Variants in ADAMTSL3 observed in about 807,000 individuals in gnomAD.
The protein encoded by ADAMTSL3 is ADAMTS like 3.
Under a neutral mutation model 201.7 loss-of-function variants are expected in ADAMTSL3, and 128 were observed. The ratio of observed to expected loss-of-function variants is 0.63; its 90% CI spans 0.55 to 0.73. ADAMTSL3 has a LOEUF of 0.73. Ranked by LOEUF, ADAMTSL3 falls within the 30% of genes least tolerant of loss-of-function variation. The pLI is 0.00. For synonymous variants in ADAMTSL3, 738 were observed against 748.4 expected, an observed-to-expected ratio of 0.99 and a Z score of 0.23; for missense variants, 1,990 against 2,119.6, an observed-to-expected ratio of 0.94 and a Z score of 1.20.
chr15:83,657,982 TC>T (rs1403956475), intron 2 of ADAMTSL3, among the ~76,000 whole-genome samples: 1 of 152,198 alleles, frequency 6.6e-6, no homozygotes, highest in Non-Finnish European at 1.5e-5. Context: ...CTTAAGGTGT[TC>T]CCTGGCGTCT....
At chr15:83,871,822 A>T (rs2065086197) in intron 9 of ADAMTSL3, among the ~76,000 whole-genome samples, 1 of 152,238 alleles carries the variant, frequency 6.6e-6, no homozygotes, top group African/African-American at 2.4e-5. Context: ...GTTTTGCCGT[A>T]TCCTGTTTCA....
chr15:84,036,633 G>C, intron 28 of ADAMTSL3, 140 bp from the exon 29 acceptor site: 1 of 645,322 alleles, frequency 1.5e-6, no homozygotes, highest in South Asian at 2.0e-5. Context: ...TAAAAGCAGA[G>C]GAATGTCTTG....
At chr15:83,970,019 C>T (rs1174107634) in intron 19 of ADAMTSL3, among the ~76,000 whole-genome samples, 2 of 152,072 alleles carry the variant, frequency 1.3e-5, no homozygotes, top group Non-Finnish European at 2.9e-5. Context: ...AGCCCAAACC[C>T]ATCACATTGT....
chr15:83,998,790 C>T (rs749928687), intron 23 of ADAMTSL3, among the ~76,000 whole-genome samples: 4 of 152,120 alleles, frequency 2.6e-5, no homozygotes, highest in Non-Finnish European at 5.9e-5. Context: ...GAGATTTTCC[C>T]TGAGATAACT....
chr15:83,772,010 G>A (rs1345748359), intron 3 of ADAMTSL3, among the ~76,000 whole-genome samples: 4 of 152,134 alleles, frequency 2.6e-5, no homozygotes, highest in South Asian at 2.1e-4. Flanking sequence ...GTGACACCAC[G>A]TCCAGCTAGT....
chr15:83,679,657 C>T lies in ADAMTSL3; in HGVS notation c.69+23827C>T, dbSNP rs143591554. 1.9e-3 allele frequency among the ~76,000 whole-genome samples: 296 copies of T among 152,208 alleles called. 10 individuals carry two copies. In the East Asian group the frequency reaches 0.046, roughly 24 times the overall value. ...AACCTTTTGTATTGTTAATTCTGGT[C>T]AGTTTCATGTGTGAGTTGGTTAGGG... is the stretch of plus-strand genomic sequence containing the variant. On this transcript the variant is annotated intron_variant, in intron 2 of 29. Transcript: ENST00000286744.
chr15:83,855,769 G>A (rs776127249), intron 7 of ADAMTSL3, among the ~76,000 whole-genome samples: 3 of 152,206 alleles, frequency 2.0e-5, no homozygotes, highest in Non-Finnish European at 4.4e-5. Context: ...TTCTGACCAT[G>A]TTTTTACTGA....
intron 17 of ADAMTSL3, among the ~76,000 whole-genome samples, chr15:83,941,602 T>C (rs1232723426): frequency 6.6e-6 from 1 of 152,222 alleles, no homozygotes; most frequent in African/African-American, 2.4e-5. Flanking sequence ...TTAATAACTA[T>C]ACATCTACTT....
intron 19 of ADAMTSL3, among the ~76,000 whole-genome samples, chr15:83,943,686 C>T (rs1358345562): frequency 6.6e-6 from 1 of 152,206 alleles, no homozygotes; most frequent in Non-Finnish European, 1.5e-5. Context: ...GGAAAAGTAG[C>T]AGAATCCACT....
At chr15:83,866,549 A>G (rs1187648448) in intron 8 of ADAMTSL3, among the ~76,000 whole-genome samples, 1 of 152,092 alleles carries the variant, frequency 6.6e-6, no homozygotes, top group Non-Finnish European at 1.5e-5. Flanking sequence ...CATAGGTGGG[A>G]ATTGAACAAT....
At chr15:83,718,567 G>A (rs1367933135) in intron 3 of ADAMTSL3, among the ~76,000 whole-genome samples, 2 of 151,914 alleles carry the variant, frequency 1.3e-5, no homozygotes, top group Non-Finnish European at 2.9e-5. Context: ...AGCCAGGCGT[G>A]GTGGTGCATG....
In ADAMTSL3 at chr15:83,994,089, A is replaced by G. The variant is rs528827404; in HGVS notation, c.3973+2875A>G. Among the ~76,000 whole-genome samples, 48 of 152,328 alleles carry G rather than the reference A, an allele frequency of 3.2e-4. No individual in the cohort carries two copies. In the South Asian group the frequency reaches 9.7e-3, roughly 31 times the overall value. On this transcript the variant is annotated intron_variant, in intron 23 of 29. Coordinates refer to ENST00000286744, the MANE Select transcript of ADAMTSL3 (RefSeq NM_207517.3). Reference sequence around the variant, plus strand: ...ACAGATGGTAATGAGTTTGAGCTAGATGGTGATTCCCAAATGAAGGGCACT... The same window carrying G: ...ACAGATGGTAATGAGTTTGAGCTAGGTGGTGATTCCCAAATGAAGGGCACT...
At position 83,882,460 on chromosome 15, in the gene ADAMTSL3, TTAC is replaced by T. The variant is rs542257173; in HGVS notation, c.961-2639_961-2637del. Among the ~76,000 whole-genome samples, 105 of 152,340 alleles carry T rather than the reference TTAC, an allele frequency of 6.9e-4. 1 individual carries two copies. The East Asian group carries it at 0.02, about 29-fold the overall frequency. ...CCTTGTTTAGATTCTCTCATAAGCT[TTAC>T]TGATTTATTTAATCATTATTGCTTC... On this transcript the variant is annotated intron_variant, in intron 9 of 29. Transcript: ENST00000286744.
chr15:83,673,705 G>A (rs1243258640), intron 2 of ADAMTSL3, among the ~76,000 whole-genome samples: 1 of 152,222 alleles, frequency 6.6e-6, no homozygotes, highest in Middle Eastern at 3.2e-3. Flanking sequence ...TCATGTGGAA[G>A]TACTCACTGA....
At chr15:83,682,887 G>A (rs2061493372) in intron 2 of ADAMTSL3, among the ~76,000 whole-genome samples, 1 of 152,160 alleles carries the variant, frequency 6.6e-6, no homozygotes, top group Non-Finnish European at 1.5e-5. Context: ...ACTCTATTCT[G>A]ATTTGCCTCC....
intron 23 of ADAMTSL3, among the ~76,000 whole-genome samples, chr15:83,996,500 G>T (rs969375447): frequency 1.1e-4 from 16 of 152,146 alleles, no homozygotes; most frequent in African/African-American, 3.1e-4. Context: ...AAAATGAGCA[G>T]TCCGGGCGCG....
intron 7 of ADAMTSL3, among the ~76,000 whole-genome samples, chr15:83,848,929 G>A (rs1477454261): frequency 2.6e-5 from 4 of 151,870 alleles, no homozygotes; most frequent in Non-Finnish European, 5.9e-5. Flanking sequence ...ACAACCCCTT[G>A]GAACAGGTAT....
chr15:83,819,328 T>A (rs1464458384), intron 5 of ADAMTSL3, among the ~76,000 whole-genome samples: 1 of 151,792 alleles, frequency 6.6e-6, no homozygotes, highest in African/African-American at 2.4e-5. Flanking sequence ...CACAGCAGTT[T>A]TGGGCTAATA....
chr15:83,903,646 A>C (rs905971824), intron 15 of ADAMTSL3, among the ~76,000 whole-genome samples: 1 of 151,834 alleles, frequency 6.6e-6, no homozygotes, highest in Non-Finnish European at 1.5e-5. Flanking sequence ...AGCCGGGCGC[A>C]GTGGCTCACG....
Sources: gnomAD v4.1 joint callset for allele counts (sites outside exome capture counted in the v4.1 genomes callset) on GRCh38, gnomAD v4.1.1 for gene constraint, MANE v1.5 for transcripts, NCBI Gene and HGNC (gene_info 2026-07-23, HGNC 2026-07-21) for gene names.